Variants in SGCZ observed in about 807,000 individuals in gnomAD.
SGCZ encodes the protein zeta-sarcoglycan.
SGCZ carries 40 observed loss-of-function variants against 41.3 expected under a neutral mutation model. The ratio of observed to expected loss-of-function variants is 0.97; its 90% CI spans 0.75 to 1.26. SGCZ has a LOEUF of 1.26. Ranked by LOEUF, SGCZ falls within the 50% of genes most tolerant of loss-of-function variation. The pLI, the probability that SGCZ is intolerant of heterozygous loss-of-function variation, is 0.00. For missense variants in SGCZ, 552 were observed against 369.8 expected (o/e 1.49, Z -4.04); for synonymous variants, 206 against 137.5 (o/e 1.50, Z -3.49).
intron 1 of SGCZ, among the ~76,000 whole-genome samples, chr8:14,741,800 T>G (rs1184648201): frequency 6.6e-6 from 1 of 152,008 alleles, no homozygotes; most frequent in Non-Finnish European, 1.5e-5. Context: ...GCAAGAAATA[T>G]AGATAGACAA....
chr8:15,045,087 ATTTAT>A (rs1262522478), intron 1 of SGCZ, among the ~76,000 whole-genome samples: 2 of 135,560 alleles, frequency 1.5e-5, no homozygotes, highest in East Asian at 3.3e-4. Flanking sequence ...TTTTATATTT[ATTTAT>A]TTATTTATTT....
chr8:14,628,572 T>A (rs190332209), intron 1 of SGCZ, among the ~76,000 whole-genome samples: 1 of 152,118 alleles, frequency 6.6e-6, no homozygotes, highest in Non-Finnish European at 1.5e-5. Flanking sequence ...GTTCCATGGA[T>A]TGAAATTATT....
At chr8:14,911,771 A>G (rs1171692591) in intron 1 of SGCZ, among the ~76,000 whole-genome samples, 1 of 151,888 alleles carries the variant, frequency 6.6e-6, no homozygotes, top group Non-Finnish European at 1.5e-5. Flanking sequence ...TACCTCTTTC[A>G]ATCTATTCCT....
intron 1 of SGCZ, among the ~76,000 whole-genome samples, chr8:15,119,388 A>C (rs538444167): frequency 2.0e-5 from 3 of 151,844 alleles, no homozygotes; most frequent in African/African-American, 7.3e-5. Flanking sequence ...AAATTAGCTG[A>C]GCATGGTGGT....
At position 14,793,900 on chromosome 8, in the gene SGCZ, G is replaced by A. The variant is rs548579246; in HGVS notation, c.40-238974C>T. On this transcript the variant is annotated intron_variant, in intron 1 of 7. Transcript: ENST00000382080. ...TGAGAAATGATGAATATATGCTTAA[G>A]AAATGCAAAATTCTAAAACTCTCAG... Among the ~76,000 whole-genome samples the A allele has an allele frequency of 2.6e-5, 4 of 152,216 alleles. No homozygotes were observed. The East Asian group carries it at 7.7e-4, about 29-fold the overall frequency.
chr8:15,115,308 G>T (rs1161841124), intron 1 of SGCZ, among the ~76,000 whole-genome samples: 1 of 152,078 alleles, frequency 6.6e-6, no homozygotes. Context: ...ATGACTTCTG[G>T]CACATGTAAT....
At chr8:14,768,627 G>T (rs1024202120) in intron 1 of SGCZ, among the ~76,000 whole-genome samples, 1 of 152,114 alleles carries the variant, frequency 6.6e-6, no homozygotes, top group Non-Finnish European at 1.5e-5. Context: ...TCAGGATCCA[G>T]AACTAAGCTG....
intron 1 of SGCZ, among the ~76,000 whole-genome samples, chr8:14,685,142 T>C (rs1263916369): frequency 1.3e-5 from 2 of 152,156 alleles, no homozygotes; most frequent in East Asian, 3.9e-4. Flanking sequence ...CTAAAATTAA[T>C]ACTGATAAAG....
At chr8:14,246,208 C>G (rs1005258663) in intron 3 of SGCZ, among the ~76,000 whole-genome samples, 3 of 152,140 alleles carry the variant, frequency 2.0e-5, no homozygotes, top group Admixed American at 1.3e-4. Flanking sequence ...AAATGTCCAA[C>G]AATGATAGAC....
At chr8:15,073,226 G>T (rs1278710524) in intron 1 of SGCZ, among the ~76,000 whole-genome samples, 2 of 152,116 alleles carry the variant, frequency 1.3e-5, no homozygotes, top group Non-Finnish European at 2.9e-5. Context: ...TCAGAGAAGT[G>T]ATCTTTTATA....
chr8:14,818,939 G>A (rs1801986389), intron 1 of SGCZ, among the ~76,000 whole-genome samples: 1 of 151,914 alleles, frequency 6.6e-6, no homozygotes, highest in Non-Finnish European at 1.5e-5. Context: ...CTCATTACAG[G>A]TATTCCAGTT....
intron 2 of SGCZ, among the ~76,000 whole-genome samples, chr8:14,418,837 G>C (rs547234329): frequency 5.3e-5 from 8 of 152,012 alleles, no homozygotes; most frequent in African/African-American, 1.9e-4. Flanking sequence ...ATTAAAAATA[G>C]ATAAAACCAG....
intron 6 of SGCZ, among the ~76,000 whole-genome samples, chr8:14,103,544 C>G (rs1026283932): frequency 3.3e-5 from 5 of 152,124 alleles, no homozygotes; most frequent in Admixed American, 3.3e-4. Flanking sequence ...ATGGTTAGGT[C>G]TCTGGAGTTC....
chr8:15,161,112 T>C (rs754977031), intron 1 of SGCZ, among the ~76,000 whole-genome samples: 21 of 152,090 alleles, frequency 1.4e-4, no homozygotes, highest in Non-Finnish European at 2.5e-4. Context: ...TCTGGTTCCC[T>C]GCTCCCTCTC....
intron 1 of SGCZ, among the ~76,000 whole-genome samples, chr8:14,756,674 T>C (rs1435012425): frequency 6.6e-6 from 1 of 152,192 alleles, no homozygotes; most frequent in African/African-American, 2.4e-5. Flanking sequence ...TAACTTTTGG[T>C]CTGCATATAC....
At chr8:14,232,867 T>C (rs928439248) in intron 4 of SGCZ, among the ~76,000 whole-genome samples, 1 of 152,082 alleles carries the variant, frequency 6.6e-6, no homozygotes, top group Non-Finnish European at 1.5e-5. Flanking sequence ...AGCATAAGAC[T>C]GTGGTTTTAA....
At chr8:15,155,683 C>T (rs1799309027) in intron 1 of SGCZ, among the ~76,000 whole-genome samples, 1 of 152,112 alleles carries the variant, frequency 6.6e-6, no homozygotes, top group South Asian at 2.1e-4. Context: ...ATTTATGATA[C>T]ATGATATAAT....
chr8:14,133,688 G>C (rs1485242571), intron 5 of SGCZ, among the ~76,000 whole-genome samples: 1 of 151,908 alleles, frequency 6.6e-6, no homozygotes, highest in Non-Finnish European at 1.5e-5. Flanking sequence ...GTGTTTACTT[G>C]GTTGCTGTAA....
intron 1 of SGCZ, among the ~76,000 whole-genome samples, chr8:15,020,221 C>T (rs1260684717): frequency 6.6e-6 from 1 of 152,078 alleles, no homozygotes; most frequent in East Asian, 1.9e-4. Context: ...ATAGATCAGT[C>T]ATCAGCAATT....
Sources: allele counts gnomAD v4.1 joint callset (sites outside exome capture counted in the v4.1 genomes callset), GRCh38; gene constraint gnomAD v4.1.1; transcripts MANE v1.5; gene names NCBI Gene and HGNC (gene_info 2026-07-23, HGNC 2026-07-21).